RASGEF1B: variants seen among roughly 807,000 people sequenced by gnomAD.
The protein encoded by RASGEF1B is ras-GEF domain-containing family member 1B.
A neutral mutation model predicts 65.7 loss-of-function variants in RASGEF1B; 30 were observed. The observed-to-expected ratio is 0.46, with a 90% CI of 0.34 to 0.62. The LOEUF (loss-of-function observed/expected upper bound fraction) is 0.62. Among genes scored for constraint, RASGEF1B ranks in the 20% least tolerant of loss-of-function variants. The pLI is 0.01. For missense variants in RASGEF1B, 495 were observed against 580.1 expected (o/e 0.85, Z 1.51); for synonymous variants, 175 against 194.8 (o/e 0.90, Z 0.85).
chr4:81,429,333 T>TA (rs1229061810), intron 13 of RASGEF1B, among the ~76,000 whole-genome samples: 2 of 152,224 alleles, frequency 1.3e-5, no homozygotes, highest in Admixed American at 1.3e-4. Context: ...CAAAGCTCCT[T>TA]AAAAAACAAT....
chr4:81,434,581 G>A lies in RASGEF1B; in HGVS notation c.1200+58C>T, dbSNP rs572445314. The A allele has an allele frequency of 1.0e-3, 997 of 965,814 alleles. 8 individuals are homozygous for A. The highest frequency in any genetic ancestry group is 1.7e-4 in the Non-Finnish European group (98 of 592,094). The allele number at this position is 965,814 out of a possible 1,614,324, so 59.8% of individuals were successfully genotyped here. ...GCTGCCTGGCCAGGAATGCGGTGCTGGAGAAGCTGCCCCTCTCCTTGTGCT... is the reference window on the plus strand; with the variant it reads ...GCTGCCTGGCCAGGAATGCGGTGCTAGAGAAGCTGCCCCTCTCCTTGTGCT... On this transcript the variant is annotated intron_variant, in intron 11 of 13. Transcript: ENST00000264400.
rs565502026 is a variant in RASGEF1B at position 81,449,101 on chromosome 4, C to A, written c.439-817G>T. Among the ~76,000 whole-genome samples the A allele has an allele frequency of 4.6e-5, 7 of 152,270 alleles. No homozygotes were observed. In the South Asian group the frequency reaches 1.5e-3, roughly 32 times the overall value. ...TGCGGGGATTACAGGCATAAGCCAC[C>A]GCGTCTGGCCTACCACCTTCTTGAC... On this transcript the variant is annotated intron_variant, in intron 4 of 13. Coordinates refer to ENST00000264400, the MANE Select transcript of RASGEF1B (RefSeq NM_152545.3).
At chr4:81,468,261 C>A (rs1167458588) in intron 1 of RASGEF1B, among the ~76,000 whole-genome samples, 1 of 152,154 alleles carries the variant, frequency 6.6e-6, no homozygotes, top group African/African-American at 2.4e-5. Context: ...GTAGAGTTTT[C>A]TATTTATATT....
At chr4:81,430,001 G>A (rs1412759197) in intron 13 of RASGEF1B, among the ~76,000 whole-genome samples, 1 of 152,206 alleles carries the variant, frequency 6.6e-6, no homozygotes, top group Admixed American at 6.5e-5. Flanking sequence ...CCCCATAGGC[G>A]GAGAGCTACT....
At chr4:81,456,246 T>C (rs1722436572) in intron 4 of RASGEF1B, 1 of 499,694 alleles carries the variant, frequency 2.0e-6, no homozygotes, top group Admixed American at 3.8e-5. Flanking sequence ...ATCTACTATT[T>C]ATCCTCGGTT....
rs1467508724 is a variant in RASGEF1B, at chr4:81,432,281, G to T, written c.1397+18C>A. 3 of 1,544,546 alleles carry T rather than the reference G, an allele frequency of 1.9e-6. No homozygotes were observed. In the South Asian group the frequency reaches 3.4e-5, roughly 18 times the overall value. Reference sequence around the variant, plus strand: ...ATTTCCTTCAGACTTGTGCAGCAATGAGAAGAATGAGACCCACCTTAAAGA... The same window carrying T: ...ATTTCCTTCAGACTTGTGCAGCAATTAGAAGAATGAGACCCACCTTAAAGA... On this transcript the variant is annotated intron_variant, in intron 13 of 13. Coordinates refer to ENST00000264400, the MANE Select transcript of RASGEF1B (RefSeq NM_152545.3).
intron 8 of RASGEF1B, among the ~76,000 whole-genome samples, chr4:81,445,215 C>T (rs1721975056): frequency 1.3e-5 from 2 of 152,160 alleles, no homozygotes; most frequent in South Asian, 4.1e-4. Context: ...TTCTATAATA[C>T]TTGATATGCA....
rs1293240992 is a variant in RASGEF1B, at chr4:81,427,032, GTC to G, written c.*734_*735del. On this transcript the variant is annotated 3_prime_UTR_variant, in exon 14 of 14. Transcript: ENST00000264400. ...AAAAGTCCTTCTAGCATGTTAAGCA[GTC>G]CAATGACAAACTCTGCTTTTTATTT... 7.3e-6 allele frequency: 1 copy of G among 136,892 alleles called. No homozygotes were observed. The highest frequency in any genetic ancestry group is 2.1e-4 in the East Asian group (1 of 4,710). 8.5% of individuals were successfully genotyped at this position (136,892 alleles called of 1,614,324 possible).
rs769330054 is a variant in RASGEF1B, at chr4:81,459,510, C to A, written c.-2G>T. ...TGAAAAGGGAGGAGTCTGAGGCATA[C>A]TTTCCTAAAAGGAATAAAAAAGAAG... On this transcript the variant is annotated 5_prime_UTR_variant, in exon 2 of 14. Coordinates refer to ENST00000264400, the MANE Select transcript of RASGEF1B (RefSeq NM_152545.3). The A allele has an allele frequency of 4.5e-6, 7 of 1,572,344 alleles. No individual in the cohort carries two copies. Among genetic ancestry groups the A allele is most frequent in the South Asian group, 2.4e-5 (2 of 83,882 alleles).
intron 9 of RASGEF1B, 86 bp from the exon 10 acceptor site, chr4:81,441,015 T>A: frequency 1.1e-6 from 1 of 873,930 alleles, no homozygotes; most frequent in Non-Finnish European, 1.8e-6. Context: ...TTTAGCTATA[T>A]ACAAAATTCA....
In RASGEF1B at chr4:81,427,937, GC is replaced by G; in HGVS notation, c.1398-146del. 3 of 802,416 alleles carry G rather than the reference GC, an allele frequency of 3.7e-6. No individual in the cohort carries two copies. In the Middle Eastern group the frequency reaches 7.1e-4, roughly 191 times the overall value. The allele number at this position is 802,416 out of a possible 1,614,324, so 49.7% of individuals were successfully genotyped here. ...GTTAAACCAGGAAAAAAAAAATCAA[GC>G]TTTTAAGTCCTATTGGCTCTCTGGG... On this transcript the variant is annotated intron_variant, in intron 13 of 13. Coordinates refer to ENST00000264400, the MANE Select transcript of RASGEF1B (RefSeq NM_152545.3).
chr4:81,441,537 G>A (rs892716381), intron 9 of RASGEF1B, among the ~76,000 whole-genome samples: 11 of 147,750 alleles, frequency 7.4e-5, no homozygotes, highest in African/African-American at 1.8e-4. Flanking sequence ...ACTCTTGCAC[G>A]CGATTTTTTT....
chr4:81,447,597 A>T lies in RASGEF1B; in HGVS notation c.655-19T>A. On this transcript the variant is annotated intron_variant, in intron 5 of 13. Transcript: ENST00000264400. The stretch of plus-strand genomic sequence containing the variant: ...GCCTCTCCTGAAACACAAACCCAGA[A>T]GGTCAACAGTATTAAAGAAAATGAA... 6.3e-7 allele frequency: 1 copy of T among 1,599,334 alleles called. No individual in the cohort carries two copies. The highest frequency in any genetic ancestry group is 1.1e-5 in the South Asian group (1 of 90,706).
At chr4:81,435,689 A>C (rs1177015754) in intron 10 of RASGEF1B, among the ~76,000 whole-genome samples, 5 of 142,576 alleles carry the variant, frequency 3.5e-5, no homozygotes, top group Non-Finnish European at 1.5e-5. Flanking sequence ...GTTAGCCAGG[A>C]TGGTCTCGAT....
chr4:81,455,076 C>T (rs569848327), intron 4 of RASGEF1B: 2 of 152,422 alleles, frequency 1.3e-5, no homozygotes, highest in Admixed American at 1.3e-4. Context: ...CCCCAAAGTT[C>T]TTCAGATGAA....
chr4:81,452,538 A>G (rs1385593826), intron 4 of RASGEF1B: 1 of 152,242 alleles, frequency 6.6e-6, no homozygotes, highest in Non-Finnish European at 1.5e-5. Context: ...AAAGCTATTC[A>G]ACAACAACTA....
chr4:81,456,862 G>A, intron 3 of RASGEF1B, 74 bp from the exon 4 acceptor site: 1 of 1,323,664 alleles, frequency 7.6e-7, no homozygotes, highest in South Asian at 1.4e-5. Context: ...GTTACAAAGA[G>A]CGTCACTGAG....
At chr4:81,442,222 G>A (rs1721863434) in intron 9 of RASGEF1B, 75 bp downstream of exon 9, 2 of 969,024 alleles carry the variant, frequency 2.1e-6, no homozygotes, top group Middle Eastern at 2.1e-4. Flanking sequence ...CTGATGGAGA[G>A]GCAAGACCAC....
chr4:81,440,011 TG>T (rs750432875), intron 10 of RASGEF1B, among the ~76,000 whole-genome samples: 1 of 152,224 alleles, frequency 6.6e-6, no homozygotes, highest in Non-Finnish European at 1.5e-5. Context: ...GGGACGTGAT[TG>T]GGAAGCCATG....
Sources: gnomAD v4.1 joint callset for allele counts (sites outside exome capture counted in the v4.1 genomes callset) on GRCh38, gnomAD v4.1.1 for gene constraint, MANE v1.5 for transcripts, NCBI Gene and HGNC (gene_info 2026-07-23, HGNC 2026-07-21) for gene names.